The following OTOGL variants were observed in gnomAD, a reference collection of about 807,000 sequenced individuals.
OTOGL encodes the protein otogelin-like protein.
OTOGL carries 285 observed loss-of-function variants against 318.5 expected under a neutral mutation model. The ratio of observed to expected loss-of-function variants is 0.89; its 90% CI spans 0.81 to 0.99. The LOEUF (loss-of-function observed/expected upper bound fraction) is 0.99. Among genes scored for constraint, OTOGL ranks in the 50% least tolerant of loss-of-function variants. The pLI, the probability that OTOGL is intolerant of heterozygous loss-of-function variation, is 0.00. For missense variants in OTOGL, 2,899 were observed against 2,845.6 expected (o/e 1.02, Z -0.43); for synonymous variants, 987 against 936.5 (o/e 1.05, Z -0.99).
chr12:80,255,062 T>C lies in OTOGL; in HGVS notation c.1464T>C (p.Asp488=). 1 of 1,509,812 alleles carries C rather than the reference T, an allele frequency of 6.6e-7. No homozygotes were observed. Among genetic ancestry groups the C allele is most frequent in the Non-Finnish European group, 8.8e-7 (1 of 1,133,522 alleles). 93.5% of individuals were successfully genotyped at this position (1,509,812 alleles called of 1,614,324 possible). ...CAGTTCAATGCTCAGTTGTAGGTGA[T>C]TCTCACTTTACAACTTTTGATGGTC... is the stretch of plus-strand genomic sequence containing the variant. ...DCPVQCSVVG[D]SHFTTFDGRH... The change falls in exon 16 of 59, where the codon GAT becomes GAC. Residue 488 remains aspartate, a synonymous_variant. Coordinates refer to ENST00000547103, the MANE Select transcript of OTOGL (RefSeq NM_001378609.3).
At chr12:80,228,700 TTCTTC>T (rs1294244035) in intron 7 of OTOGL, among the ~76,000 whole-genome samples, 4 of 152,088 alleles carry the variant, frequency 2.6e-5, no homozygotes, top group African/African-American at 9.7e-5. Flanking sequence ...TTTTCTTCCT[TTCTTC>T]TTTTCTTCCT....
At chr12:80,303,763 A>ACTAT (rs1399717823) in intron 28 of OTOGL, among the ~76,000 whole-genome samples, 2 of 152,182 alleles carry the variant, frequency 1.3e-5, no homozygotes, top group Non-Finnish European at 2.9e-5. Context: ...GAACTCCCTC[A>ACTAT]CTATCACAAG....
At chr12:80,111,118 A>G (rs1228229746) in intron 1 of OTOGL, among the ~76,000 whole-genome samples, 2 of 152,016 alleles carry the variant, frequency 1.3e-5, no homozygotes, top group East Asian at 3.9e-4. Context: ...TTTCTTGTAA[A>G]TTTGTTTAAG....
In OTOGL at chr12:80,355,700, G is replaced by C. The variant is rs753384653; in HGVS notation, c.5594-36G>C. ...GTGGCATGATTTATTTTAGTGCCCA[G>C]GTTTTGAGTGTTATAATACTGTTGA... On this transcript the variant is annotated intron_variant, in intron 46 of 58. Transcript: ENST00000547103. The C allele has an allele frequency of 5.8e-6, 9 of 1,545,710 alleles. No individual in the cohort carries two copies. The East Asian group carries it at 1.8e-4, about 31-fold the overall frequency.
At chr12:80,289,253 C>T (rs569769812) in intron 26 of OTOGL, among the ~76,000 whole-genome samples, 1 of 152,276 alleles carries the variant, frequency 6.6e-6, no homozygotes, top group Non-Finnish European at 1.5e-5. Flanking sequence ...TTGCTGCCTG[C>T]TCCTTCCTCT....
chr12:80,150,852 A>ATGCTTTTTAT (rs1291807284), intron 1 of OTOGL, among the ~76,000 whole-genome samples: 2 of 152,206 alleles, frequency 1.3e-5, no homozygotes, highest in Non-Finnish European at 2.9e-5. Flanking sequence ...GTAGAAATAG[A>ATGCTTTTTAT]TGCTTTTTAT....
intron 17 of OTOGL, among the ~76,000 whole-genome samples, chr12:80,257,144 T>C (rs1471717058): frequency 6.6e-6 from 1 of 152,096 alleles, no homozygotes; most frequent in East Asian, 1.9e-4. Context: ...TGATTTATCT[T>C]ACAAATCACA....
intron 11 of OTOGL, among the ~76,000 whole-genome samples, chr12:80,240,809 A>G (rs1480460823): frequency 2.6e-5 from 4 of 152,132 alleles, no homozygotes; most frequent in Non-Finnish European, 4.4e-5. Flanking sequence ...CATAAGCAAC[A>G]AATTTAGTGA....
chr12:80,174,286 C>T lies in OTOGL; in HGVS notation c.-19-35127C>T, dbSNP rs1370394741. On this transcript the variant is annotated intron_variant, in intron 1 of 58. Coordinates refer to ENST00000547103, the MANE Select transcript of OTOGL (RefSeq NM_001378609.3). ...TTAGTCTAAATTACAGGAAAGAAAC[C>T]TTAAAAACAACTGATGACTAGAATC... is the stretch of plus-strand genomic sequence containing the variant. 2.0e-5 allele frequency among the ~76,000 whole-genome samples: 3 copies of T among 152,104 alleles called. No individual in the cohort carries two copies. The East Asian group carries it at 5.8e-4, about 29-fold the overall frequency.
intron 26 of OTOGL, among the ~76,000 whole-genome samples, chr12:80,284,781 C>A (rs887916314): frequency 2.6e-5 from 4 of 152,068 alleles, no homozygotes; most frequent in African/African-American, 9.7e-5. Flanking sequence ...GGATATTAGA[C>A]CTTTGTCAGA....
At chr12:80,371,200 C>T (rs917851967) in intron 56 of OTOGL, among the ~76,000 whole-genome samples, 1 of 152,080 alleles carries the variant, frequency 6.6e-6, no homozygotes, top group Admixed American at 6.6e-5. Context: ...GAAGAGTTTA[C>T]TGGAAAAGTA....
intron 7 of OTOGL, among the ~76,000 whole-genome samples, chr12:80,225,523 G>A (rs1432847681): frequency 6.6e-6 from 1 of 152,038 alleles, no homozygotes; most frequent in Non-Finnish European, 1.5e-5. Flanking sequence ...AGAAAATTTG[G>A]AAAATTCAGA....
chr12:80,144,145 C>A (rs373978464), intron 1 of OTOGL, among the ~76,000 whole-genome samples: 1 of 151,400 alleles, frequency 6.6e-6, no homozygotes, highest in African/African-American at 2.4e-5. Flanking sequence ...CACGCTGGTG[C>A]GCTGCACCCA....
chr12:80,340,018 A>T (rs1037325048), intron 43 of OTOGL, among the ~76,000 whole-genome samples: 1 of 152,190 alleles, frequency 6.6e-6, no homozygotes, highest in Non-Finnish European at 1.5e-5. Context: ...AGTGGACAGT[A>T]ATATCCATTT....
intron 56 of OTOGL, among the ~76,000 whole-genome samples, chr12:80,371,384 G>C (rs563534201): frequency 6.6e-6 from 1 of 151,756 alleles, no homozygotes; most frequent in Non-Finnish European, 1.5e-5. Flanking sequence ...ACGGCTGGCT[G>C]GCTAGCTAGA....
intron 1 of OTOGL, among the ~76,000 whole-genome samples, chr12:80,183,739 A>G (rs560329392): frequency 6.6e-6 from 1 of 152,292 alleles, no homozygotes; most frequent in South Asian, 2.1e-4. Flanking sequence ...GGATAGGCCG[A>G]GGGATGAATG....
chr12:80,161,433 A>G (rs1873510439), intron 1 of OTOGL, among the ~76,000 whole-genome samples: 1 of 152,120 alleles, frequency 6.6e-6, no homozygotes, highest in Admixed American at 6.6e-5. Context: ...AGTAACTTAA[A>G]TGACATTGTG....
intron 5 of OTOGL, among the ~76,000 whole-genome samples, chr12:80,218,066 C>T (rs1324983547): frequency 1.3e-5 from 2 of 152,124 alleles, no homozygotes; most frequent in African/African-American, 4.8e-5. Flanking sequence ...TTTAAAATAA[C>T]AATGATCCTC....
In OTOGL at chr12:80,302,800, T is replaced by G; in HGVS notation, c.3213+17T>G. ...CAGTGGAAGGTAGGTCAACCTAAGC[T>G]CCAAATGAGATGTAATGAATAAAAT... On this transcript the variant is annotated intron_variant, in intron 28 of 58. Transcript: ENST00000547103. The G allele has an allele frequency of 6.9e-7, 1 of 1,442,230 alleles. No individual in the cohort carries two copies. Among genetic ancestry groups the G allele is most frequent in the South Asian group, 1.5e-5 (1 of 66,098 alleles). 89.3% of individuals were successfully genotyped at this position (1,442,230 alleles called of 1,614,324 possible).
Sources: gnomAD v4.1 joint callset for allele counts (sites outside exome capture counted in the v4.1 genomes callset) on GRCh38, gnomAD v4.1.1 for gene constraint, MANE v1.5 for transcripts, NCBI Gene and HGNC (gene_info 2026-07-23, HGNC 2026-07-21) for gene names.